Variants in DRC8 observed in about 807,000 individuals in gnomAD.
The protein encoded by DRC8 is dynein regulatory complex protein 8.
At chr1:245,061,509 G>A in the DRC8 span, among the ~76,000 whole-genome samples, 4 of 151,924 alleles carry the variant, frequency 2.6e-5, no homozygotes, top group African/African-American at 4.8e-5. Flanking sequence ...ATTTGTATAC[G>A]AACACAATTT....
the DRC8 span, among the ~76,000 whole-genome samples, chr1:245,012,315 GT>G: frequency 6.6e-6 from 1 of 151,558 alleles, no homozygotes; most frequent in Non-Finnish European, 1.5e-5. Flanking sequence ...AAAGACTAGT[GT>G]TCTAGATTAT....
At chr1:245,041,907 T>A in the DRC8 span, among the ~76,000 whole-genome samples, 2 of 152,152 alleles carry the variant, frequency 1.3e-5, no homozygotes, top group Admixed American at 1.3e-4. Flanking sequence ...TGCTGACACC[T>A]TTATCTGGGA....
At chr1:245,105,436 T>C in the DRC8 span, among the ~76,000 whole-genome samples, 5 of 151,360 alleles carry the variant, frequency 3.3e-5, no homozygotes, top group Admixed American at 2.0e-4. Context: ...CTGGGCAACA[T>C]GGAGAAAGCC....
At chr1:245,052,190 A>C in the DRC8 span, among the ~76,000 whole-genome samples, 1 of 152,212 alleles carries the variant, frequency 6.6e-6, no homozygotes, top group Non-Finnish European at 1.5e-5. Context: ...GTTAGGCAAC[A>C]CCCAGGACAG....
the DRC8 span, chr1:245,083,546 C>T: frequency 1.9e-6 from 3 of 1,579,988 alleles, no homozygotes; most frequent in African/African-American, 1.4e-5. Context: ...TACATACACA[C>T]ATATATGAAA....
the DRC8 span, among the ~76,000 whole-genome samples, chr1:245,035,199 TA>T: frequency 1.4e-5 from 2 of 144,296 alleles, no homozygotes; most frequent in African/African-American, 5.0e-5. Context: ...TTTTTTTTTT[TA>T]AACAAATTGA....
At chr1:245,074,695 G>T in the DRC8 span, among the ~76,000 whole-genome samples, 1 of 152,212 alleles carries the variant, frequency 6.6e-6, no homozygotes, top group African/African-American at 2.4e-5. Context: ...TTGCACAGCA[G>T]CCTCTGGAAT....
chr1:245,111,463 C>T, the DRC8 span, among the ~76,000 whole-genome samples: 1 of 152,218 alleles, frequency 6.6e-6, no homozygotes, highest in Non-Finnish European at 1.5e-5. Context: ...ACTTTGTTTA[C>T]AATGCAGTTG....
chr1:245,084,081 G>T, the DRC8 span, among the ~76,000 whole-genome samples: 1,111 of 33,624 alleles, frequency 0.033, 33 homozygotes, highest in African/African-American at 0.076. Context: ...CCGGCGCCCC[G>T]GCTTTTTTTT....
At chr1:245,076,948 A>G in the DRC8 span, among the ~76,000 whole-genome samples, 1 of 152,036 alleles carries the variant, frequency 6.6e-6, no homozygotes, top group East Asian at 1.9e-4. Context: ...GATGGTCTCG[A>G]TCTCCTGACC....
the DRC8 span, chr1:245,122,852 T>A: frequency 1.3e-5 from 2 of 152,204 alleles, no homozygotes; most frequent in African/African-American, 4.8e-5. Flanking sequence ...TTACAAAGCA[T>A]TTCCATCATC....
chr1:245,094,466 C>A, the DRC8 span, among the ~76,000 whole-genome samples: 1 of 152,178 alleles, frequency 6.6e-6, no homozygotes, highest in East Asian at 1.9e-4. Context: ...GGAATGAGTA[C>A]ACGAGCGAAG....
chr1:245,038,710 A>G, the DRC8 span, among the ~76,000 whole-genome samples: 1 of 146,392 alleles, frequency 6.8e-6, no homozygotes, highest in Non-Finnish European at 1.5e-5. Context: ...TTCATGCTGT[A>G]TAGTAAGATA....
the DRC8 span, among the ~76,000 whole-genome samples, chr1:245,070,472 A>G: frequency 6.6e-6 from 1 of 152,212 alleles, no homozygotes; most frequent in African/African-American, 2.4e-5. Flanking sequence ...CAAGGCAGTG[A>G]TGGGTTACTG....
the DRC8 span, among the ~76,000 whole-genome samples, chr1:244,973,128 G>T: frequency 6.6e-6 from 1 of 152,164 alleles, no homozygotes; most frequent in Non-Finnish European, 1.5e-5. Context: ...AAAGACTGAT[G>T]TGCAAACCTG....
the DRC8 span, among the ~76,000 whole-genome samples, chr1:245,024,897 A>G: frequency 1.3e-5 from 2 of 151,840 alleles, no homozygotes; most frequent in East Asian, 1.9e-4. Flanking sequence ...AACTGTTTGT[A>G]TTTCCTTTTG....
the DRC8 span, among the ~76,000 whole-genome samples, chr1:244,973,924 A>AT: frequency 6.6e-6 from 1 of 152,182 alleles, no homozygotes; most frequent in Non-Finnish European, 1.5e-5. Flanking sequence ...TGAAGTTGTT[A>AT]TACTTATTTG....
chr1:244,986,660 G>A, the DRC8 span, among the ~76,000 whole-genome samples: 4 of 151,032 alleles, frequency 2.6e-5, no homozygotes, highest in African/African-American at 4.9e-5. Flanking sequence ...CTTGAGCCTA[G>A]AAGTTCGAGG....
the DRC8 span, among the ~76,000 whole-genome samples, chr1:244,986,344 A>G: frequency 6.6e-3 from 1,007 of 152,308 alleles, 11 homozygotes; most frequent in African/African-American, 0.023. Context: ...CTGCGAATTT[A>G]CAAGCCTGAA....
Sources: gnomAD v4.1 joint callset for allele counts (sites outside exome capture counted in the v4.1 genomes callset) on GRCh38, gnomAD v4.1.1 for gene constraint, MANE v1.5 for transcripts, NCBI Gene and HGNC (gene_info 2026-07-23, HGNC 2026-07-21) for gene names.